The following SETD6 variants were observed in gnomAD, a reference collection of about 807,000 sequenced individuals.
The protein encoded by SETD6 is N-lysine methyltransferase SETD6.
In SETD6, 67 loss-of-function variants were observed where a neutral mutation model predicts 52.7. That is an observed-to-expected ratio of 1.27 (90% CI 1.04 to 1.56). The LOEUF is 1.56. Among genes scored for constraint, SETD6 ranks in the 40% most tolerant of loss-of-function variants. The pLI, the probability that SETD6 is intolerant of heterozygous loss-of-function variation, is 0.00. For synonymous variants in SETD6, 307 were observed against 250.2 expected (o/e 1.23, Z -2.14); for missense variants, 712 against 607.5 (o/e 1.17, Z -1.81).
intron 3 of SETD6, 48 bp downstream of exon 3, chr16:58,516,391 G>GC (rs2039151870): frequency 7.1e-6 from 11 of 1,547,214 alleles, no homozygotes; most frequent in Non-Finnish European, 8.6e-6. Flanking sequence ...GTAGCCTGCT[G>GC]CAAGAAGTTT....
Position 58,519,808 on chromosome 16 carries a change from T to TATCAATCA in SETD6, c.*792_*799dup, listed in dbSNP as rs71385169. The TATCAATCA allele has an allele frequency of 5.0e-5, 7 of 140,942 alleles. No individual in the cohort carries two copies. Among genetic ancestry groups the TATCAATCA allele is most frequent in the African/African-American group, 1.8e-4 (7 of 39,948 alleles). 8.7% of individuals were successfully genotyped at this position (140,942 alleles called of 1,614,324 possible). On this transcript the variant is annotated 3_prime_UTR_variant, in exon 8 of 8. Transcript: ENST00000219315. ...TGCCAGCTTAGTAGTAGGAATGACC[T>TATCAATCA]ATCAATCAATCAATCAATCATTCAG...
intron 6 of SETD6, 23 bp downstream of exon 6, chr16:58,518,254 A>G (rs772231067): frequency 6.2e-7 from 1 of 1,613,812 alleles, no homozygotes; most frequent in Admixed American, 1.7e-5. Flanking sequence ...TTAACTCAAT[A>G]TTTGACACTG....
rs2039357069 is a variant in SETD6 at position 58,521,234 on chromosome 16, G to C, written c.*2205G>C. 1.2e-6 allele frequency: 2 copies of C among 1,613,920 alleles called. No homozygotes were observed. The highest frequency in any genetic ancestry group is 1.7e-6 in the Non-Finnish European group (2 of 1,180,024). On this transcript the variant is annotated 3_prime_UTR_variant, in exon 8 of 8. Transcript: ENST00000219315. ...AAATTCATGGTTCCAGAACTTAAAC[G>C]CTGGGTTTTTAATCAGCTCAATGAA...
chr16:58,515,819 T>C lies in SETD6; in HGVS notation c.56T>C (p.Leu19Pro), dbSNP rs771006667. 3 of 1,534,432 alleles carry C rather than the reference T, an allele frequency of 2.0e-6. No individual in the cohort carries two copies. The highest frequency in any genetic ancestry group is 1.2e-5 in the South Asian group (1 of 81,988). Residue 19 changes from leucine (L) to proline (P), a missense_variant, in exon 2 of 8, where the codon CTG becomes CCG. Physicochemically the swap from Leu to Pro is moderately conservative, Grantham distance 98. Transcript: ENST00000219315. ...RVAGPVDGGD[L>P]DPVACFLSWC... is the part of the protein sequence containing the mutation. ...GCGGGGCCCGTGGACGGCGGCGACC[T>C]GGATCCTGTGGCCTGCTTCCTGAGC...
Position 58,520,283 on chromosome 16 carries a change from TTA to T in SETD6, c.*1259_*1260del, listed in dbSNP as rs1228983652. 6.6e-6 allele frequency: 1 copy of T among 152,168 alleles called. No individual in the cohort carries two copies. Among genetic ancestry groups the T allele is most frequent in the African/African-American group, 2.4e-5 (1 of 41,396 alleles). The allele number at this position is 152,168 out of a possible 1,614,324, so 9.4% of individuals were successfully genotyped here. ...GCTTTAGGCCTGGTCTGGTTTCCCT[TTA>T]TATAAAGAGCTGACCCCCATCTCAG... On this transcript the variant is annotated 3_prime_UTR_variant, in exon 8 of 8. Transcript: ENST00000219315.
Position 58,516,719 on chromosome 16 carries a change from C to CTA in SETD6, c.671+50_671+51dup, listed in dbSNP as rs779867923. 68 of 1,609,640 alleles carry CTA rather than the reference C, an allele frequency of 4.2e-5. 2 individuals carry two copies. The Admixed American group carries it at 1.1e-3, about 25-fold the overall frequency. ...GGACGGAACCCTTTTCTTTACAACT[C>CTA]TATAGAGGGACAAAAGTGGAAAAAC... On this transcript the variant is annotated intron_variant, in intron 4 of 7. Coordinates refer to ENST00000219315, the MANE Select transcript of SETD6 (RefSeq NM_001160305.4).
chr16:58,515,747 CCT>C, intron 1 of SETD6, 42 bp from the exon 2 acceptor site: 3 of 1,425,596 alleles, frequency 2.1e-6, no homozygotes, highest in Non-Finnish European at 2.7e-6. Flanking sequence ...TTCCCAGCGG[CCT>C]CTCTGGGGGT....
Position 58,523,364 on chromosome 16 carries a change from G to C in SETD6, c.*4335G>C. ...GAAGCATTTAAAAAATAAGCTGCTC[G>C]CTTACCTTGTGATCTGTTCTTGGAT... On this transcript the variant is annotated 3_prime_UTR_variant, in exon 8 of 8. Transcript: ENST00000219315. 2 of 1,569,188 alleles carry C rather than the reference G, an allele frequency of 1.3e-6. No individual in the cohort carries two copies. The highest frequency in any genetic ancestry group is 1.7e-6 in the Non-Finnish European group (2 of 1,156,942).
Position 58,517,049 on chromosome 16 carries a change from T to G in SETD6, c.792+121T>G, listed in dbSNP as rs1189725144. 2.2e-6 allele frequency: 3 copies of G among 1,394,152 alleles called. No homozygotes were observed. The East Asian group carries it at 6.9e-5, about 32-fold the overall frequency. The allele number at this position is 1,394,152 out of a possible 1,614,324, so 86.4% of individuals were successfully genotyped here. A position where few individuals can be genotyped will look rare whatever the true frequency, so the allele number is the denominator to read the frequency against. ...GAAATCAGCTCCTCCTGTATGTCCT[T>G]TTAGTATGCATATTACTGTAGAATC... is the stretch of plus-strand genomic sequence containing the variant. On this transcript the variant is annotated intron_variant, in intron 5 of 7. Coordinates refer to ENST00000219315, the MANE Select transcript of SETD6 (RefSeq NM_001160305.4).
At chr16:58,517,954 C>A in intron 5 of SETD6, 97 bp from the exon 6 acceptor site, 1 of 1,483,074 alleles carries the variant, frequency 6.7e-7, no homozygotes, top group Non-Finnish European at 9.3e-7. Flanking sequence ...TCAGTCATGG[C>A]TGAACTACAC....
Position 58,518,196 on chromosome 16 carries a change from T to G in SETD6, c.938T>G (p.Ile313Ser). The change falls in exon 6 of 8, where the codon ATT (isoleucine) becomes AGT (serine). Residue 313 changes from isoleucine (I) to serine (S), a missense_variant. Coordinates refer to ENST00000219315, the MANE Select transcript of SETD6 (RefSeq NM_001160305.4). ...GACAACACAGATGACACAGCTGACA[T>G]TCAGATGGTGACAGTTCGTGAGGCA... ...YPDNTDDTADIQMVTVREAAL... is the reference protein window; with the variant it reads ...YPDNTDDTADSQMVTVREAAL... 1 of 1,614,228 alleles carries G rather than the reference T, an allele frequency of 6.2e-7. No homozygotes were observed. Among genetic ancestry groups the G allele is most frequent in the South Asian group, 1.1e-5 (1 of 91,088 alleles).
At chr16:58,517,563 T>C (rs1024291304) in intron 5 of SETD6, 6 of 183,058 alleles carry the variant, frequency 3.3e-5, no homozygotes, top group African/African-American at 9.5e-5. Context: ...AACTGCCGCC[T>C]CCTGGGTTCA....
Position 58,523,306 on chromosome 16 carries a change from A to G in SETD6, c.*4277A>G, listed in dbSNP as rs1047276057. The G allele has an allele frequency of 2.5e-5, 30 of 1,179,658 alleles. No individual in the cohort carries two copies. Among genetic ancestry groups the G allele is most frequent in the Admixed American group, 3.3e-5 (1 of 30,146 alleles). 73.1% of individuals were successfully genotyped at this position (1,179,658 alleles called of 1,614,324 possible). ...ACTGAACACTGAAAGCATAAAGAGGAAAAAAAAAAGATGAAAGGGAGGAGA... is the reference window on the plus strand; with the variant it reads ...ACTGAACACTGAAAGCATAAAGAGGGAAAAAAAAAGATGAAAGGGAGGAGA... On this transcript the variant is annotated 3_prime_UTR_variant, in exon 8 of 8. Coordinates refer to ENST00000219315, the MANE Select transcript of SETD6 (RefSeq NM_001160305.4).
chr16:58,517,543 G>A (rs571550869), intron 5 of SETD6: 71 of 181,110 alleles, frequency 3.9e-4, no homozygotes, highest in Non-Finnish European at 7.0e-4. Context: ...GCGTGATCTC[G>A]GCTCACTGCA....
Position 58,518,530 on chromosome 16 carries a change from CCACCA to C in SETD6, c.1107_1111del (p.Thr370LysfsTer8). ...GAGGTGCTGACTGAAGAGGAGCTGA[CCACCA>C]CACTAAAGGTAAACGGCTGAAAATG... is the stretch of plus-strand genomic sequence containing the variant. On this transcript the variant is annotated frameshift_variant, in exon 7 of 8. Coordinates refer to ENST00000219315, the MANE Select transcript of SETD6 (RefSeq NM_001160305.4). LOFTEE classifies it high-confidence loss of function. 6.3e-7 allele frequency: 1 copy of C among 1,597,398 alleles called. No individual in the cohort carries two copies. Among genetic ancestry groups the C allele is most frequent in the South Asian group, 1.1e-5 (1 of 87,092 alleles).
chr16:58,518,962 A>G lies in SETD6; in HGVS notation c.1355A>G (p.Gln452Arg). The change falls in exon 8 of 8, where the codon CAG becomes CGG. Residue 452 changes from glutamine (Q) to arginine (R), a missense_variant. Coordinates refer to ENST00000219315, the MANE Select transcript of SETD6 (RefSeq NM_001160305.4). ...EVYAKLSWRE[Q>R]QALQVRYGQK... Reference sequence around the variant, plus strand: ...TATGCGAAACTCAGCTGGAGGGAACAGCAAGCCTTACAGGTTCGCTATGGT... The same window carrying G: ...TATGCGAAACTCAGCTGGAGGGAACGGCAAGCCTTACAGGTTCGCTATGGT... The G allele has an allele frequency of 6.2e-7, 1 of 1,614,204 alleles. No individual in the cohort carries two copies. The highest frequency in any genetic ancestry group is 8.5e-7 in the Non-Finnish European group (1 of 1,180,018).
In SETD6 at chr16:58,520,899, T is replaced by C; in HGVS notation, c.*1870T>C. 1.3e-6 allele frequency: 2 copies of C among 1,543,552 alleles called. No individual in the cohort carries two copies. The highest frequency in any genetic ancestry group is 2.7e-5 in the African/African-American group (2 of 73,734). On this transcript the variant is annotated 3_prime_UTR_variant, in exon 8 of 8. Coordinates refer to ENST00000219315, the MANE Select transcript of SETD6 (RefSeq NM_001160305.4). ...AGCTGAAAGGATTCTTCAGTCAGTT[T>C]ATGAACTCGGTGCAGTGAGACCTCT...
Position 58,515,791 on chromosome 16 carries a change from G to A in SETD6, c.28G>A (p.Val10Met). 1.3e-6 allele frequency: 2 copies of A among 1,504,372 alleles called. No homozygotes were observed. Among genetic ancestry groups the A allele is most frequent in the Non-Finnish European group, 8.8e-7 (1 of 1,135,850 alleles). 93.2% of individuals were successfully genotyped at this position (1,504,372 alleles called of 1,614,324 possible). A position where few individuals can be genotyped will look rare whatever the true frequency, so the allele number is the denominator to read the frequency against. ...TGGTCACTGCGCGCACTTATCTCAGGTGGCGGGGCCCGTGGACGGCGGCGA... is the reference window on the plus strand; with the variant it reads ...TGGTCACTGCGCGCACTTATCTCAGATGGCGGGGCCCGTGGACGGCGGCGA... The part of the protein sequence containing the change: MATQAKRPR[V>M]AGPVDGGDLD... The change falls in exon 2 of 8, where the codon GTG becomes ATG. Residue 10 changes from valine to methionine, a missense_variant and splice_region_variant. By Grantham distance (21) the Val-to-Met change is conservative. Coordinates refer to ENST00000219315, the MANE Select transcript of SETD6 (RefSeq NM_001160305.4).
In SETD6 at chr16:58,521,639, C is replaced by CA. The variant is rs2039377161; in HGVS notation, c.*2615dup. Among the ~76,000 whole-genome samples the CA allele has an allele frequency of 6.6e-6, 1 of 152,110 alleles. No homozygotes were observed. The highest frequency in any genetic ancestry group is 2.1e-4 in the South Asian group (1 of 4,828). ...GAGTACATGGCACACAAAGTTAGTA[C>CA]AAAAAGTAGTAATTTCCAGAATGAG... On this transcript the variant is annotated 3_prime_UTR_variant, in exon 8 of 8. Transcript: ENST00000219315.
Sources: allele counts gnomAD v4.1 joint callset (sites outside exome capture counted in the v4.1 genomes callset), GRCh38; gene constraint gnomAD v4.1.1; transcripts MANE v1.5; gene names NCBI Gene and HGNC (gene_info 2026-07-23, HGNC 2026-07-21).